The following WWOX variants were observed in gnomAD, a reference collection of about 807,000 sequenced individuals.
The protein encoded by WWOX is WW domain containing oxidoreductase.
A neutral mutation model predicts 46.2 loss-of-function variants in WWOX; 69 were observed. That is an observed-to-expected ratio of 1.49 (90% CI 1.23 to 1.82). WWOX has a LOEUF of 1.82. Ranked by LOEUF, WWOX falls within the 40% of genes most tolerant of loss-of-function variation. WWOX has a pLI of 0.00. For missense variants in WWOX, 919 were observed against 542.6 expected (o/e 1.69, Z -6.89); for synonymous variants, 359 against 202.6 (o/e 1.77, Z -6.56).
At chr16:78,127,838 G>C (rs1259693639) in intron 4 of WWOX, among the ~76,000 whole-genome samples, 1 of 152,138 alleles carries the variant, frequency 6.6e-6, no homozygotes. Flanking sequence ...AGTTTTATTG[G>C]CGTCTACTGG....
intron 8 of WWOX, among the ~76,000 whole-genome samples, chr16:78,944,353 A>C (rs1373482998): frequency 6.6e-6 from 1 of 152,176 alleles, no homozygotes; most frequent in Non-Finnish European, 1.5e-5. Flanking sequence ...GAACTCCTTG[A>C]AGATAGGAGC....
intron 8 of WWOX, among the ~76,000 whole-genome samples, chr16:78,867,869 C>T (rs1020944187): frequency 5.3e-5 from 8 of 152,026 alleles, no homozygotes; most frequent in Non-Finnish European, 7.4e-5. Flanking sequence ...TTAGCTCTAA[C>T]CAGAAAGATT....
intron 6 of WWOX, among the ~76,000 whole-genome samples, chr16:78,404,448 G>A (rs1361962900): frequency 6.6e-6 from 1 of 152,074 alleles, no homozygotes; most frequent in African/African-American, 2.4e-5. Flanking sequence ...GTCACAGAAA[G>A]AACCAATTCC....
intron 5 of WWOX, among the ~76,000 whole-genome samples, chr16:78,314,711 T>TTG (rs1555517906): frequency 0.011 from 1,530 of 140,756 alleles, 34 homozygotes; most frequent in African/African-American, 0.039. Flanking sequence ...GTTTTTTTTT[T>TTG]TTTTTTTTTT....
At chr16:78,712,173 A>T (rs185550687) in intron 8 of WWOX, among the ~76,000 whole-genome samples, 6 of 152,198 alleles carry the variant, frequency 3.9e-5, no homozygotes, top group African/African-American at 1.4e-4. Flanking sequence ...GTTATGTGGG[A>T]TAGGCTCATT....
intron 8 of WWOX, among the ~76,000 whole-genome samples, chr16:78,790,006 T>G (rs2050553546): frequency 6.6e-6 from 1 of 152,226 alleles, no homozygotes; most frequent in Admixed American, 6.5e-5. Flanking sequence ...ATAGTTGTTC[T>G]TTCCTTATTG....
At chr16:78,243,660 C>G (rs888080567) in intron 5 of WWOX, among the ~76,000 whole-genome samples, 17 of 152,278 alleles carry the variant, frequency 1.1e-4, no homozygotes, top group African/African-American at 3.8e-4. Flanking sequence ...GATTCTTGTG[C>G]CTCAGCCTCC....
At chr16:79,124,736 A>C (rs1409953721) in intron 8 of WWOX, among the ~76,000 whole-genome samples, 1 of 152,232 alleles carries the variant, frequency 6.6e-6, no homozygotes, top group Non-Finnish European at 1.5e-5. Flanking sequence ...TTTGTGTCTT[A>C]AAGTGTTTTG....
chr16:78,764,927 T>C (rs7199518), intron 8 of WWOX, among the ~76,000 whole-genome samples: 1 of 152,090 alleles, frequency 6.6e-6, no homozygotes, highest in African/African-American at 2.4e-5. Flanking sequence ...TTATCTGCAT[T>C]GTGCCTTTAG....
At chr16:79,195,685 C>A (rs758922067) in intron 8 of WWOX, among the ~76,000 whole-genome samples, 2 of 152,110 alleles carry the variant, frequency 1.3e-5, no homozygotes, top group Admixed American at 6.5e-5. Context: ...TTGTCTAGAC[C>A]GGGAGCTAGC....
intron 2 of WWOX, among the ~76,000 whole-genome samples, chr16:78,109,465 A>G (rs1378398012): frequency 6.6e-6 from 1 of 152,210 alleles, no homozygotes; most frequent in Non-Finnish European, 1.5e-5. Flanking sequence ...TGCCCTGCAT[A>G]TACATATGTT....
At chr16:78,885,115 A>C (rs947259613) in intron 8 of WWOX, among the ~76,000 whole-genome samples, 5 of 151,654 alleles carry the variant, frequency 3.3e-5, no homozygotes, top group African/African-American at 1.2e-4. Flanking sequence ...CATCTCTGTT[A>C]GTTTGTGGAG....
At chr16:78,685,337 C>A (rs1002013766) in intron 8 of WWOX, among the ~76,000 whole-genome samples, 5 of 152,086 alleles carry the variant, frequency 3.3e-5, no homozygotes, top group African/African-American at 1.2e-4. Flanking sequence ...AACTTTCATT[C>A]TGTGATTTTT....
intron 5 of WWOX, among the ~76,000 whole-genome samples, chr16:78,195,198 C>A (rs1054054640): frequency 6.6e-6 from 1 of 152,160 alleles, no homozygotes; most frequent in Non-Finnish European, 1.5e-5. Context: ...AGTCTCTCAT[C>A]TGGGAGGGAC....
At chr16:78,714,902 A>T (rs2142334468) in intron 8 of WWOX, among the ~76,000 whole-genome samples, 1 of 152,326 alleles carries the variant, frequency 6.6e-6, no homozygotes, top group African/African-American at 2.4e-5. Context: ...ATGGTGTGAT[A>T]TATGAAATGA....
At chr16:78,409,127 T>C (rs564915208) in intron 6 of WWOX, among the ~76,000 whole-genome samples, 4 of 152,136 alleles carry the variant, frequency 2.6e-5, no homozygotes, top group Admixed American at 2.0e-4. Context: ...TTCACAGATG[T>C]ATACACAGTG....
At chr16:78,209,582 T>C (rs1250465943) in intron 5 of WWOX, among the ~76,000 whole-genome samples, 2 of 152,224 alleles carry the variant, frequency 1.3e-5, no homozygotes. Context: ...AGAAATCCCA[T>C]GATTCTTGCT....
At chr16:78,511,892 A>T (rs1369311037) in intron 8 of WWOX, among the ~76,000 whole-genome samples, 1 of 152,188 alleles carries the variant, frequency 6.6e-6, no homozygotes, top group African/African-American at 2.4e-5. Flanking sequence ...TGTTTATGAC[A>T]TTATCCGTTT....
At chr16:78,572,517 C>G (rs552935746) in intron 8 of WWOX, among the ~76,000 whole-genome samples, 1 of 146,918 alleles carries the variant, frequency 6.8e-6, no homozygotes, top group Admixed American at 7.0e-5. Flanking sequence ...GAGGGAGGAC[C>G]TCTTGAGCCG....
Sources: gnomAD v4.1 joint callset for allele counts (sites outside exome capture counted in the v4.1 genomes callset) on GRCh38, gnomAD v4.1.1 for gene constraint, MANE v1.5 for transcripts, NCBI Gene and HGNC (gene_info 2026-07-23, HGNC 2026-07-21) for gene names.